DPP10: variants seen among roughly 807,000 people sequenced by gnomAD.
DPP10 encodes inactive dipeptidyl peptidase 10.
In DPP10, 33 loss-of-function variants were observed where a neutral mutation model predicts 120.9. The ratio of observed to expected loss-of-function variants is 0.27; its 90% CI spans 0.21 to 0.37. The LOEUF (loss-of-function observed/expected upper bound fraction) is 0.37. DPP10 is among the 10% of genes least tolerant of loss of function. The probability of loss-of-function intolerance (pLI) is 1.00; values close to 1 mark genes in which losing one functional copy is unlikely to be tolerated. For missense variants in DPP10, 816 were observed against 942.8 expected, an observed-to-expected ratio of 0.87 and a Z score of 1.76; for synonymous variants, 337 against 326.1, an observed-to-expected ratio of 1.03 and a Z score of -0.36.
At chr2:114,831,689 T>C (rs1022658307) in intron 1 of DPP10, among the ~76,000 whole-genome samples, 3 of 151,984 alleles carry the variant, frequency 2.0e-5, no homozygotes, top group African/African-American at 7.2e-5. Context: ...AAAGAAGAGA[T>C]CAAAATTCTA....
chr2:115,824,332 C>T (rs1277015774), intron 21 of DPP10, among the ~76,000 whole-genome samples: 1 of 151,898 alleles, frequency 6.6e-6, no homozygotes, highest in African/African-American at 2.4e-5. Context: ...ACGTTAAGTA[C>T]CACGGTACAC....
intron 1 of DPP10, among the ~76,000 whole-genome samples, chr2:115,291,294 G>A (rs959767293): frequency 6.6e-6 from 1 of 151,992 alleles, no homozygotes; most frequent in African/African-American, 2.4e-5. Flanking sequence ...GTGAGCCATG[G>A]CATCCCACCT....
At chr2:115,000,342 G>C (rs1201618557) in intron 1 of DPP10, among the ~76,000 whole-genome samples, 1 of 152,084 alleles carries the variant, frequency 6.6e-6, no homozygotes, top group East Asian at 1.9e-4. Flanking sequence ...GGGGGACATA[G>C]TTTCTAGAAA....
In DPP10 at chr2:115,536,372, G is replaced by T. The variant is rs150467940; in HGVS notation, c.441+10400G>T. Among the ~76,000 whole-genome samples, 643 of 151,878 alleles carry T rather than the reference G, an allele frequency of 4.2e-3. 1 individual carries two copies. Among genetic ancestry groups the T allele is most frequent in the African/African-American group, 0.015 (612 of 41,468 alleles). ...AATGGCTTTACCATCTTTTCATGTGGTGATATCATAATTTATTCAACTCAA... is the reference window on the plus strand; with the variant it reads ...AATGGCTTTACCATCTTTTCATGTGTTGATATCATAATTTATTCAACTCAA... On this transcript the variant is annotated intron_variant, in intron 5 of 25. Coordinates refer to ENST00000410059, the MANE Select transcript of DPP10 (RefSeq NM_020868.6).
intron 1 of DPP10, among the ~76,000 whole-genome samples, chr2:114,949,901 A>G (rs969028595): frequency 5.9e-5 from 9 of 152,162 alleles, no homozygotes; most frequent in Non-Finnish European, 1.0e-4. Context: ...TTAATTTAGT[A>G]ACTAGAACCC....
intron 21 of DPP10, among the ~76,000 whole-genome samples, chr2:115,832,958 A>C (rs1326377196): frequency 6.6e-6 from 1 of 152,190 alleles, no homozygotes; most frequent in African/African-American, 2.4e-5. Context: ...TTTATTAAAA[A>C]TGCACAATCT....
intron 1 of DPP10, among the ~76,000 whole-genome samples, chr2:115,259,840 A>G (rs1490558367): frequency 1.3e-5 from 2 of 152,124 alleles, no homozygotes; most frequent in Non-Finnish European, 2.9e-5. Context: ...GATATATGCT[A>G]TATAGCATAA....
At chr2:114,457,033 G>A (rs1034786722) in intron 1 of DPP10, among the ~76,000 whole-genome samples, 5 of 152,150 alleles carry the variant, frequency 3.3e-5, no homozygotes, top group East Asian at 3.8e-4. Context: ...GAGAAGTTTC[G>A]AGAAAGAGTT....
At chr2:115,826,513 G>C (rs1280577501) in intron 21 of DPP10, among the ~76,000 whole-genome samples, 7 of 152,092 alleles carry the variant, frequency 4.6e-5, no homozygotes, top group Non-Finnish European at 8.8e-5. Context: ...CTGAGGTCAG[G>C]AGTTCGAGAC....
chr2:115,249,297 G>C (rs2105649338), intron 1 of DPP10, among the ~76,000 whole-genome samples: 1 of 152,176 alleles, frequency 6.6e-6, no homozygotes, highest in South Asian at 2.1e-4. Flanking sequence ...TTCATATATA[G>C]CGATTAGGAA....
chr2:115,085,909 G>A (rs1708654374), intron 1 of DPP10, among the ~76,000 whole-genome samples: 1 of 152,092 alleles, frequency 6.6e-6, no homozygotes, highest in Admixed American at 6.5e-5. Flanking sequence ...CTACCTAAGG[G>A]GTGTCGGGAG....
chr2:115,557,587 T>A (rs2080297041), intron 5 of DPP10, among the ~76,000 whole-genome samples: 2 of 152,224 alleles, frequency 1.3e-5, no homozygotes, highest in Admixed American at 1.3e-4. Flanking sequence ...TCTCAAGGTA[T>A]AATTTTATGT....
intron 1 of DPP10, among the ~76,000 whole-genome samples, chr2:114,477,940 T>C: frequency 6.6e-6 from 1 of 151,116 alleles, no homozygotes; most frequent in East Asian, 1.9e-4. Context: ...CATATGTGTA[T>C]ATATGTACAT....
chr2:115,238,111 A>G (rs111437473), intron 1 of DPP10, among the ~76,000 whole-genome samples: 118 of 152,304 alleles, frequency 7.7e-4, no homozygotes, highest in African/African-American at 2.7e-3. Context: ...CCTCTCTTCA[A>G]AGCTTCAAAG....
intron 5 of DPP10, among the ~76,000 whole-genome samples, chr2:115,642,105 A>G (rs929612214): frequency 1.3e-5 from 2 of 152,170 alleles, no homozygotes; most frequent in Non-Finnish European, 2.9e-5. Context: ...ACATTCCTGT[A>G]ACTCTAACCA....
intron 1 of DPP10, among the ~76,000 whole-genome samples, chr2:114,616,492 A>G (rs1287840665): frequency 6.6e-6 from 1 of 152,096 alleles, no homozygotes; most frequent in Non-Finnish European, 1.5e-5. Flanking sequence ...GAACTCCACC[A>G]AAAGCCTGGA....
At chr2:115,136,862 C>T (rs1452571375) in intron 1 of DPP10, among the ~76,000 whole-genome samples, 1 of 152,142 alleles carries the variant, frequency 6.6e-6, no homozygotes. Flanking sequence ...TAGAAAATCA[C>T]CCATCCAAAA....
intron 7 of DPP10, among the ~76,000 whole-genome samples, chr2:115,712,540 T>TTTTTTA (rs778592374): frequency 5.5e-5 from 1 of 18,060 alleles, no homozygotes; most frequent in African/African-American, 1.2e-4. Context: ...GAGTCCTGAA[T>TTTTTTA]TAAATATATA....
intron 19 of DPP10, among the ~76,000 whole-genome samples, chr2:115,806,846 C>G (rs559424616): frequency 1.3e-5 from 2 of 151,986 alleles, no homozygotes; most frequent in South Asian, 4.2e-4. Flanking sequence ...ATTGCCCCCC[C>G]ACCCCCAGTT....
Sources: gnomAD v4.1 joint callset for allele counts (sites outside exome capture counted in the v4.1 genomes callset) on GRCh38, gnomAD v4.1.1 for gene constraint, MANE v1.5 for transcripts, NCBI Gene and HGNC (gene_info 2026-07-23, HGNC 2026-07-21) for gene names.